CARF: variants seen among roughly 807,000 people sequenced by gnomAD.
The protein encoded by CARF is calcium-responsive transcription factor.
CARF carries 57 observed loss-of-function variants against 82.0 expected under a neutral mutation model. That is an observed-to-expected ratio of 0.70 (90% CI 0.56 to 0.87). The LOEUF (loss-of-function observed/expected upper bound fraction) is 0.87, where lower values mean the gene tolerates loss of function less well. Among genes scored for constraint, CARF ranks in the 40% least tolerant of loss-of-function variants. The probability of loss-of-function intolerance (pLI) is 0.00; values close to 1 mark genes in which losing one functional copy is unlikely to be tolerated. For synonymous variants in CARF, 268 were observed against 290.1 expected (o/e 0.92, Z 0.77); for missense variants, 771 against 855.8 (o/e 0.90, Z 1.24).
At chr2:202,953,900 A>G (rs1486580007) in intron 6 of CARF, 105 bp from the exon 7 acceptor site, 13 of 939,494 alleles carry the variant, frequency 1.4e-5, no homozygotes, top group Non-Finnish European at 1.9e-5. Context: ...TCAATAAAGC[A>G]TAAATTTTCT....
chr2:202,977,995 G>A (rs1267049106), intron 14 of CARF, among the ~76,000 whole-genome samples: 1 of 152,126 alleles, frequency 6.6e-6, no homozygotes, highest in African/African-American at 2.4e-5. Flanking sequence ...ACAGGCGCAC[G>A]CCACCATACC....
rs544194349 is a variant in CARF, at chr2:202,917,103, T to C, written c.-329-774T>C. Among the ~76,000 whole-genome samples the C allele has an allele frequency of 3.5e-3, 496 of 141,666 alleles. 3 individuals are homozygous for C. Among genetic ancestry groups the C allele is most frequent in the African/African-American group, 0.012 (452 of 38,472 alleles). 92.9% of individuals were successfully genotyped at this position (141,666 alleles called of 152,430 possible). A position where few individuals can be genotyped will look rare whatever the true frequency, so the allele number is the denominator to read the frequency against. On this transcript the variant is annotated intron_variant, in intron 1 of 16. Coordinates refer to ENST00000438828, the MANE Select transcript of CARF (RefSeq NM_024744.17). Reference sequence around the variant, plus strand: ...GCGGGCGCCTGTAGTCCCAGCTACTTGGGAGGCTGAGGCAGGAGAATGGCG... The same window carrying C: ...GCGGGCGCCTGTAGTCCCAGCTACTCGGGAGGCTGAGGCAGGAGAATGGCG...
chr2:202,977,231 G>A lies in CARF; in HGVS notation c.1495-38G>A, dbSNP rs764934767. Reference sequence around the variant, plus strand: ...CGTCTTAAGATATTTTTCAATATAAGAGCTTTATTTTTACTGAAATAAATG... The same window carrying A: ...CGTCTTAAGATATTTTTCAATATAAAAGCTTTATTTTTACTGAAATAAATG... On this transcript the variant is annotated intron_variant, in intron 13 of 16. Coordinates refer to ENST00000438828, the MANE Select transcript of CARF (RefSeq NM_024744.17). 9.6e-6 allele frequency: 14 copies of A among 1,456,802 alleles called. No individual in the cohort carries two copies. In the African/African-American group the frequency reaches 1.7e-4, roughly 18 times the overall value. 90.2% of individuals were successfully genotyped at this position (1,456,802 alleles called of 1,614,324 possible).
In CARF at chr2:202,986,870, A is replaced by ATG. The variant is rs1412423058; in HGVS notation, c.*3247_*3248insGT. 16 of 38,876 alleles carry ATG rather than the reference A, an allele frequency of 4.1e-4. No homozygotes were observed. Among genetic ancestry groups the ATG allele is most frequent in the African/African-American group, 1.5e-3 (15 of 9,796 alleles). The allele number at this position is 38,876 out of a possible 1,614,324, so 2.4% of individuals were successfully genotyped here. A position where few individuals can be genotyped will look rare whatever the true frequency, so the allele number is the denominator to read the frequency against. On this transcript the variant is annotated 3_prime_UTR_variant, in exon 17 of 17. Transcript: ENST00000438828. ...AGAGGTTTAAAAAATGTCTGTGCGT[A>ATG]TATATATATATATATATATATATAT...
At chr2:202,945,036 GA>G (rs1316423309) in intron 5 of CARF, among the ~76,000 whole-genome samples, 2 of 151,676 alleles carry the variant, frequency 1.3e-5, no homozygotes, top group African/African-American at 4.8e-5. Context: ...ATGAAGCATG[GA>G]AAAAAAATGT....
At chr2:202,922,260 A>G (rs938076571) in intron 2 of CARF, among the ~76,000 whole-genome samples, 4 of 151,954 alleles carry the variant, frequency 2.6e-5, no homozygotes, top group African/African-American at 7.3e-5. Context: ...ACCACGACAC[A>G]TGCCACCACA....
intron 15 of CARF, 55 bp downstream of exon 15, chr2:202,981,740 T>C (rs899462552): frequency 1.4e-6 from 2 of 1,447,380 alleles, no homozygotes; most frequent in East Asian, 2.3e-5. Context: ...TTCCTCCATT[T>C]ACCTCTTCTT....
intron 11 of CARF, 133 bp from the exon 12 acceptor site, chr2:202,971,372 A>AT (rs2059784993): frequency 2.2e-6 from 1 of 449,198 alleles, no homozygotes; most frequent in Non-Finnish European, 3.8e-6. Flanking sequence ...ACCATATATA[A>AT]TTTTTTCTTA....
At chr2:202,952,345 A>G (rs1211718250) in intron 5 of CARF, among the ~76,000 whole-genome samples, 1 of 152,176 alleles carries the variant, frequency 6.6e-6, no homozygotes, top group Non-Finnish European at 1.5e-5. Flanking sequence ...ATTAGGGTCA[A>G]ATTGCCTGTT....
In CARF at chr2:202,986,387, G is replaced by T. The variant is rs574594615; in HGVS notation, c.*2763G>T. On this transcript the variant is annotated 3_prime_UTR_variant, in exon 17 of 17. Coordinates refer to ENST00000438828, the MANE Select transcript of CARF (RefSeq NM_024744.17). ...CTTTCTCTAACAGCTCTACAGCAAA[G>T]TTTGACATGTTTTTTGTGTGTGTCA... The T allele has an allele frequency of 2.0e-5, 3 of 152,168 alleles. No individual in the cohort carries two copies. The highest frequency in any genetic ancestry group is 3.4e-3 in the Middle Eastern group (1 of 294). 9.4% of individuals were successfully genotyped at this position (152,168 alleles called of 1,614,324 possible).
chr2:202,972,404 C>T (rs1000469635), intron 12 of CARF, among the ~76,000 whole-genome samples: 6 of 151,572 alleles, frequency 4.0e-5, no homozygotes, highest in Non-Finnish European at 5.9e-5. Context: ...CAGAGTCAGG[C>T]GCAGTGGCTC....
chr2:202,963,582 T>C (rs2059414279), intron 9 of CARF, among the ~76,000 whole-genome samples: 1 of 152,186 alleles, frequency 6.6e-6, no homozygotes, highest in African/African-American at 2.4e-5. Flanking sequence ...ATTACATTTA[T>C]TGTGCACTTT....
chr2:202,928,185 T>A (rs890535574), intron 3 of CARF, among the ~76,000 whole-genome samples: 2 of 152,210 alleles, frequency 1.3e-5, no homozygotes, highest in African/African-American at 4.8e-5. Flanking sequence ...TTCTATGAAA[T>A]CAACCTTTTA....
At position 202,986,814 on chromosome 2, in the gene CARF, A is replaced by C. The variant is rs2060439568; in HGVS notation, c.*3190A>C. The C allele has an allele frequency of 7.1e-6, 1 of 140,112 alleles. No homozygotes were observed. Among genetic ancestry groups the C allele is most frequent in the Admixed American group, 7.7e-5 (1 of 13,000 alleles). 8.7% of individuals were successfully genotyped at this position (140,112 alleles called of 1,614,324 possible). A position where few individuals can be genotyped will look rare whatever the true frequency, so the allele number is the denominator to read the frequency against. ...ACTTAATCATGTGGGTATGAGAAAGATGTTGTTTAACTTGTACCAGGTTTA... is the reference window on the plus strand; with the variant it reads ...ACTTAATCATGTGGGTATGAGAAAGCTGTTGTTTAACTTGTACCAGGTTTA... On this transcript the variant is annotated 3_prime_UTR_variant, in exon 17 of 17. Transcript: ENST00000438828.
At chr2:202,979,420 T>C (rs977367912) in intron 14 of CARF, among the ~76,000 whole-genome samples, 4 of 152,052 alleles carry the variant, frequency 2.6e-5, no homozygotes, top group African/African-American at 7.2e-5. Context: ...AACCAAGAAA[T>C]GCATGATTGC....
At chr2:202,928,588 T>C (rs1181394124) in intron 3 of CARF, among the ~76,000 whole-genome samples, 1 of 152,206 alleles carries the variant, frequency 6.6e-6, no homozygotes, top group Non-Finnish European at 1.5e-5. Context: ...ACACCAACAG[T>C]GTATGAGTTC....
intron 3 of CARF, 117 bp from the exon 4 acceptor site, chr2:202,941,743 G>A: frequency 2.0e-6 from 1 of 503,928 alleles, no homozygotes; most frequent in Non-Finnish European, 3.6e-6. Context: ...GAATGGAATT[G>A]ATTTTACCTA....
In CARF at chr2:202,987,090, A is replaced by G. The variant is rs562995197; in HGVS notation, c.*3466A>G. On this transcript the variant is annotated 3_prime_UTR_variant, in exon 17 of 17. Coordinates refer to ENST00000438828, the MANE Select transcript of CARF (RefSeq NM_024744.17). ...AATTTTGGCCAGAGATTTATGTCCAATTTGGAACCTGAAAGTTTTAAGCAT... is the reference window on the plus strand; with the variant it reads ...AATTTTGGCCAGAGATTTATGTCCAGTTTGGAACCTGAAAGTTTTAAGCAT... The G allele has an allele frequency of 2.2e-4, 34 of 151,376 alleles. No homozygotes were observed. The highest frequency in any genetic ancestry group is 6.8e-4 in the African/African-American group (28 of 41,322). 9.4% of individuals were successfully genotyped at this position (151,376 alleles called of 1,614,324 possible). A position where few individuals can be genotyped will look rare whatever the true frequency, so the allele number is the denominator to read the frequency against.
chr2:202,941,886 T>C lies in CARF; in HGVS notation c.-17T>C. 6.3e-7 allele frequency: 1 copy of C among 1,598,342 alleles called. No homozygotes were observed. The highest frequency in any genetic ancestry group is 8.6e-7 in the Non-Finnish European group (1 of 1,167,186). ...TATTAAATAATAGAAGAAAATGGAATTGAATATGATGTCAGCATGGAACAA... is the reference window on the plus strand; with the variant it reads ...TATTAAATAATAGAAGAAAATGGAACTGAATATGATGTCAGCATGGAACAA... On this transcript the variant is annotated 5_prime_UTR_variant, in exon 4 of 17. Coordinates refer to ENST00000438828, the MANE Select transcript of CARF (RefSeq NM_024744.17).
Sources: allele counts gnomAD v4.1 joint callset (sites outside exome capture counted in the v4.1 genomes callset), GRCh38; gene constraint gnomAD v4.1.1; transcripts MANE v1.5; gene names NCBI Gene and HGNC (gene_info 2026-07-23, HGNC 2026-07-21).